CACHD1: variants seen among roughly 807,000 people sequenced by gnomAD.
The protein encoded by CACHD1 is cache domain containing 1.
Under a neutral mutation model 138.7 loss-of-function variants are expected in CACHD1, and 71 were observed. The ratio of observed to expected loss-of-function variants is 0.51; its 90% confidence interval spans 0.42 to 0.62. The LOEUF (loss-of-function observed/expected upper bound fraction) is 0.62. Ranked by LOEUF, CACHD1 falls within the 20% of genes least tolerant of loss-of-function variation. The pLI is 0.00. For missense variants in CACHD1, 1,389 were observed against 1,625.3 expected (o/e 0.85, Z 2.50); for synonymous variants, 578 against 591.5 (o/e 0.98, Z 0.33).
chr1:64,602,710 G>T, intron 3 of CACHD1, 96 bp from the exon 4 acceptor site: 1 of 779,004 alleles, frequency 1.3e-6, no homozygotes. Flanking sequence ...TACTGTTTAC[G>T]GGCTGACCTA....
chr1:64,486,112 A>G (rs2100285537), intron 1 of CACHD1, among the ~76,000 whole-genome samples: 1 of 152,260 alleles, frequency 6.6e-6, no homozygotes, highest in Non-Finnish European at 1.5e-5. Flanking sequence ...TCTCTAATGA[A>G]CAATGATGCT....
At chr1:64,551,704 C>A (rs2100456184) in intron 2 of CACHD1, among the ~76,000 whole-genome samples, 1 of 152,256 alleles carries the variant, frequency 6.6e-6, no homozygotes, top group Middle Eastern at 3.4e-3. Context: ...TAATAAATTA[C>A]CGTGGTTTAA....
At chr1:64,501,088 T>C (rs897675593) in intron 1 of CACHD1, among the ~76,000 whole-genome samples, 2 of 151,808 alleles carry the variant, frequency 1.3e-5, no homozygotes, top group African/African-American at 4.8e-5. Context: ...AATTAACCTA[T>C]TTTAACCTAT....
chr1:64,673,629 A>G (rs1195898284), intron 19 of CACHD1, among the ~76,000 whole-genome samples, 165 bp downstream of exon 19: 3 of 152,218 alleles, frequency 2.0e-5, no homozygotes, highest in Non-Finnish European at 2.9e-5. Flanking sequence ...CAGTTTGACA[A>G]TTGGGAGATA....
In CACHD1 at chr1:64,635,839, C is replaced by T. The variant is rs544310622; in HGVS notation, c.1006+1579C>T. The stretch of plus-strand genomic sequence containing the variant: ...CAAAAATCTGTTTATAGGCTGGGCG[C>T]GGTGGCTCATGCCTGTAATCCCAGC... On this transcript the variant is annotated intron_variant, in intron 7 of 26. Transcript: ENST00000651257. Among the ~76,000 whole-genome samples, 20 of 151,878 alleles carry T rather than the reference C, an allele frequency of 1.3e-4. No individual in the cohort carries two copies. The East Asian group carries it at 3.7e-3, about 28-fold the overall frequency.
Position 64,691,897 on chromosome 1 carries a change from G to A in CACHD1, c.*336G>A. On this transcript the variant is annotated 3_prime_UTR_variant, in exon 27 of 27. Transcript: ENST00000651257. ...AGCTGAGCCAGAGGAATGTTCCAAA[G>A]AGCCAGAAGCATTCAGCTCTCCTTA... 1 of 299,074 alleles carries A rather than the reference G, an allele frequency of 3.3e-6. No individual in the cohort carries two copies. Among genetic ancestry groups the A allele is most frequent in the South Asian group, 5.0e-5 (1 of 20,048 alleles). The allele number at this position is 299,074 out of a possible 1,614,324, so 18.5% of individuals were successfully genotyped here.
intron 15 of CACHD1, among the ~76,000 whole-genome samples, chr1:64,665,812 C>T (rs985306534): frequency 8.6e-5 from 13 of 151,854 alleles, no homozygotes; most frequent in African/African-American, 2.4e-4. Flanking sequence ...GTCAGGAGAT[C>T]GAGACCACGG....
intron 3 of CACHD1, among the ~76,000 whole-genome samples, chr1:64,602,442 T>G (rs1473656568): frequency 6.6e-6 from 1 of 150,900 alleles, no homozygotes; most frequent in Non-Finnish European, 1.5e-5. Flanking sequence ...GAATTCTGTT[T>G]TACATGTAAC....
intron 22 of CACHD1, among the ~76,000 whole-genome samples, chr1:64,677,787 A>G (rs1404007080): frequency 6.6e-6 from 1 of 151,970 alleles, no homozygotes; most frequent in African/African-American, 2.4e-5. Context: ...AACTTATTGG[A>G]CTTTTTTTTT....
At chr1:64,589,369 G>C (rs1049699922) in intron 3 of CACHD1, among the ~76,000 whole-genome samples, 1 of 152,078 alleles carries the variant, frequency 6.6e-6, no homozygotes, top group Non-Finnish European at 1.5e-5. Context: ...ATTAGCATTA[G>C]GTTTTGATAC....
intron 3 of CACHD1, among the ~76,000 whole-genome samples, chr1:64,597,085 G>C (rs1046600205): frequency 1.3e-5 from 2 of 151,948 alleles, no homozygotes; most frequent in Non-Finnish European, 2.9e-5. Flanking sequence ...GTGTGTGAGT[G>C]GGGGGGTGCT....
intron 2 of CACHD1, among the ~76,000 whole-genome samples, chr1:64,576,495 A>G (rs1288912530): frequency 2.8e-5 from 4 of 142,078 alleles, no homozygotes; most frequent in Non-Finnish European, 6.1e-5. Flanking sequence ...TAGAGGGAAG[A>G]AAAAAAAAAA....
At chr1:64,673,113 A>T (rs1649869685) in intron 17 of CACHD1, 45 bp from the exon 18 acceptor site, 1 of 1,519,614 alleles carries the variant, frequency 6.6e-7, no homozygotes, top group Non-Finnish European at 9.0e-7. Flanking sequence ...TGAAAAAAAA[A>T]AAAACAGCTG....
chr1:64,675,312 CGTAGGTAGTTGAAGA>C (rs1649948611), intron 19 of CACHD1, 74 bp from the exon 20 acceptor site: 1 of 956,728 alleles, frequency 1.0e-6, no homozygotes, highest in Non-Finnish European at 1.5e-6. Flanking sequence ...AGCTATTTTT[CGTAGGTAGTTGAAGA>C]GTTGTTTTCA....
rs759718389 is a variant in CACHD1, at chr1:64,471,831, G to A, written c.198+889G>A. On this transcript the variant is annotated intron_variant, in intron 1 of 26. Coordinates refer to ENST00000651257, the MANE Select transcript of CACHD1 (RefSeq NM_020925.4). ...CTGCCCGCAGCTAGTAAGGAATCCTGATGATGTTACTCACGACCAACAGTA... is the reference window on the plus strand; with the variant it reads ...CTGCCCGCAGCTAGTAAGGAATCCTAATGATGTTACTCACGACCAACAGTA... Among the ~76,000 whole-genome samples, 16 of 152,174 alleles carry A rather than the reference G, an allele frequency of 1.1e-4. 6 individuals are homozygous for A.
chr1:64,534,292 C>A (rs1266064831), intron 1 of CACHD1, among the ~76,000 whole-genome samples: 1 of 152,158 alleles, frequency 6.6e-6, no homozygotes, highest in Non-Finnish European at 1.5e-5. Flanking sequence ...GATCCACCCA[C>A]CTCGGCCTCC....
At chr1:64,549,797 TTTTTTTA>T (rs772399741) in intron 1 of CACHD1, among the ~76,000 whole-genome samples, 12 of 148,768 alleles carry the variant, frequency 8.1e-5, no homozygotes, top group Admixed American at 5.9e-4. Context: ...CTCTTTTTAT[TTTTTTTA>T]TTTTTTTGCT....
intron 4 of CACHD1, among the ~76,000 whole-genome samples, chr1:64,606,140 C>G (rs138805379): frequency 6.6e-6 from 1 of 152,062 alleles, no homozygotes; most frequent in African/African-American, 2.4e-5. Context: ...CGCACACACA[C>G]GCACACAGCT....
At chr1:64,541,114 A>G (rs1379711348) in intron 1 of CACHD1, among the ~76,000 whole-genome samples, 1 of 152,248 alleles carries the variant, frequency 6.6e-6, no homozygotes, top group Non-Finnish European at 1.5e-5. Context: ...TTTTTAGCCT[A>G]GGGAGAAAGG....
Sources: gnomAD v4.1 joint callset for allele counts (sites outside exome capture counted in the v4.1 genomes callset) on GRCh38, gnomAD v4.1.1 for gene constraint, MANE v1.5 for transcripts, NCBI Gene and HGNC (gene_info 2026-07-23, HGNC 2026-07-21) for gene names.